Variants in SEPTIN10 observed in about 807,000 individuals in gnomAD.
SEPTIN10 encodes the protein septin 10.
A neutral mutation model predicts 54.8 loss-of-function variants in SEPTIN10; 66 were observed. The ratio of observed to expected loss-of-function variants is 1.21; its 90% CI spans 0.99 to 1.48. The LOEUF is 1.48. SEPTIN10 is among the 40% of genes most tolerant of loss of function. The pLI, the probability that SEPTIN10 is intolerant of heterozygous loss-of-function variation, is 0.00. For missense variants in SEPTIN10, 620 were observed against 545.6 expected (o/e 1.14, Z -1.36); for synonymous variants, 161 against 181.0 (o/e 0.89, Z 0.89).
intron 1 of SEPTIN10, among the ~76,000 whole-genome samples, chr2:109,602,491 A>G (rs1696816767): frequency 6.6e-6 from 1 of 151,976 alleles, no homozygotes; most frequent in African/African-American, 2.4e-5. Flanking sequence ...CCCTGACCAA[A>G]ATGGTGAAAC....
chr2:109,613,026 T>C, intron 1 of SEPTIN10: 1 of 521,338 alleles, frequency 1.9e-6, no homozygotes, highest in Non-Finnish European at 3.5e-6. Flanking sequence ...ACCACCAATG[T>C]TTACTATCAA....
chr2:109,607,668 G>GT (rs1356672469), intron 1 of SEPTIN10, among the ~76,000 whole-genome samples: 2 of 151,990 alleles, frequency 1.3e-5, no homozygotes, highest in Non-Finnish European at 2.9e-5. Context: ...TCCTGAGGGG[G>GT]TAATAATGAA....
At position 109,585,760 on chromosome 2, in the gene SEPTIN10, A is replaced by C. The variant is rs1226130137; in HGVS notation, c.178T>G (p.Ser60Ala). The C allele has an allele frequency of 6.2e-7, 1 of 1,613,850 alleles. No homozygotes were observed. The highest frequency in any genetic ancestry group is 2.2e-5 in the East Asian group (1 of 44,862). Residue 60 changes from serine (S) to alanine (A), a missense_variant, in exon 3 of 11, where the codon TCC becomes GCC. By Grantham distance (99) the Ser-to-Ala change is moderately conservative. Coordinates refer to ENST00000397712, the MANE Select transcript of SEPTIN10 (RefSeq NM_144710.5). ...TTAAAGCAGAAACCTTGCTGAATGG[A>C]TCTGTTCACCAGCTGATCAGGCAAA... ...ESLPDQLVNRSIQQGFCFNIL... is the reference protein window; with the variant it reads ...ESLPDQLVNRAIQQGFCFNIL...
chr2:109,598,944 G>A (rs1695941125), intron 1 of SEPTIN10, among the ~76,000 whole-genome samples: 4 of 151,928 alleles, frequency 2.6e-5, no homozygotes. Context: ...CAGGAGGGTG[G>A]GGTATTTGGC....
intron 4 of SEPTIN10, among the ~76,000 whole-genome samples, chr2:109,583,389 G>A (rs6751928): frequency 0.068 from 10,317 of 152,082 alleles, 572 homozygotes; most frequent in African/African-American, 0.15. Context: ...ATGACAAAAC[G>A]CTCAACATAA....
intron 8 of SEPTIN10, among the ~76,000 whole-genome samples, chr2:109,559,299 G>C (rs1351849081): frequency 6.6e-6 from 1 of 152,116 alleles, no homozygotes; most frequent in Non-Finnish European, 1.5e-5. Flanking sequence ...AACCAGAAGA[G>C]ACATTTTGCC....
intron 8 of SEPTIN10, among the ~76,000 whole-genome samples, chr2:109,563,139 A>C (rs922408265): frequency 6.6e-6 from 1 of 151,956 alleles, no homozygotes; most frequent in African/African-American, 2.4e-5. Flanking sequence ...TTGAACTCCT[A>C]ACCTCAAGTG....
intron 9 of SEPTIN10, among the ~76,000 whole-genome samples, chr2:109,548,844 TGAGAGAAGAAACCA>T (rs754614797): frequency 6.3e-5 from 9 of 142,434 alleles, no homozygotes; most frequent in Non-Finnish European, 1.4e-4. Flanking sequence ...AATCAGAGAC[TGAGAGAAGAAACCA>T]GAGAGCTAAA....
chr2:109,546,257 C>T lies in SEPTIN10; in HGVS notation c.1162-20G>A, dbSNP rs1176923788. 6.6e-7 allele frequency: 1 copy of T among 1,506,112 alleles called. No individual in the cohort carries two copies. Among genetic ancestry groups the T allele is most frequent in the African/African-American group, 1.4e-5 (1 of 70,372 alleles). 93.3% of individuals were successfully genotyped at this position (1,506,112 alleles called of 1,614,324 possible). A position where few individuals can be genotyped will look rare whatever the true frequency, so the allele number is the denominator to read the frequency against. ...CTGTAGCTGGAAACAAAAGTGCAATCCCCACTACTGACACAGCGCGGCAGC... is the reference window on the plus strand; with the variant it reads ...CTGTAGCTGGAAACAAAAGTGCAATTCCCACTACTGACACAGCGCGGCAGC... On this transcript the variant is annotated intron_variant, in intron 9 of 10. Transcript: ENST00000397712.
chr2:109,572,869 C>A (rs1688743024), intron 5 of SEPTIN10, among the ~76,000 whole-genome samples: 1 of 152,120 alleles, frequency 6.6e-6, no homozygotes. Flanking sequence ...CCTGCCTTGG[C>A]CTCCCAAAGT....
intron 4 of SEPTIN10, among the ~76,000 whole-genome samples, 156 bp downstream of exon 4, chr2:109,584,969 GA>G (rs1172471015): frequency 6.6e-6 from 1 of 152,090 alleles, no homozygotes; most frequent in Admixed American, 6.5e-5. Context: ...GTGCTAATAA[GA>G]ACAAAATATT....
At chr2:109,552,462 TG>T (rs1182790031) in intron 9 of SEPTIN10, 4 of 152,118 alleles carry the variant, frequency 2.6e-5, no homozygotes, top group African/African-American at 9.6e-5. Flanking sequence ...TACAAGCCCT[TG>T]GTAAACCATT....
intron 7 of SEPTIN10, 38 bp downstream of exon 7, chr2:109,565,721 CTAGA>C (rs762002165): frequency 2.7e-6 from 4 of 1,496,182 alleles, no homozygotes; most frequent in Admixed American, 3.3e-5. Context: ...TTTGAGATTA[CTAGA>C]TAGATACATA....
chr2:109,590,050 GTGTGTGTATATA>G (rs1334835531), intron 2 of SEPTIN10, among the ~76,000 whole-genome samples: 316 of 144,022 alleles, frequency 2.2e-3, no homozygotes, highest in Non-Finnish European at 3.7e-3. Context: ...ACATATATAT[GTGTGTGTATATA>G]TATACACACA....
chr2:109,580,534 A>G (rs1219099339), intron 4 of SEPTIN10, among the ~76,000 whole-genome samples: 1 of 152,196 alleles, frequency 6.6e-6, no homozygotes, highest in South Asian at 2.1e-4. Flanking sequence ...TCTCTTTGGG[A>G]TTAGGATGAT....
chr2:109,559,872 A>C (rs1685211505), intron 8 of SEPTIN10, among the ~76,000 whole-genome samples: 1 of 150,672 alleles, frequency 6.6e-6, no homozygotes, highest in Non-Finnish European at 1.5e-5. Context: ...CTTCCCTTCA[A>C]ATCTGCAAGT....
intron 10 of SEPTIN10, chr2:109,545,350 T>C (rs1680908998): frequency 6.7e-7 from 1 of 1,495,358 alleles, no homozygotes; most frequent in Non-Finnish European, 8.9e-7. Flanking sequence ...ATAAACTTAT[T>C]TTCTAAAACT....
At chr2:109,610,028 GAC>G (rs1048668270) in intron 1 of SEPTIN10, among the ~76,000 whole-genome samples, 1 of 151,760 alleles carries the variant, frequency 6.6e-6, no homozygotes, top group African/African-American at 2.4e-5. Flanking sequence ...GGGACAATAT[GAC>G]ACAGAGCAGA....
intron 1 of SEPTIN10, among the ~76,000 whole-genome samples, chr2:109,603,828 G>C (rs1697234053): frequency 1.3e-5 from 2 of 152,036 alleles, no homozygotes; most frequent in Admixed American, 6.6e-5. Flanking sequence ...GAGGTCAGCA[G>C]TTCGATACCA....
Sources: allele counts gnomAD v4.1 joint callset (sites outside exome capture counted in the v4.1 genomes callset), GRCh38; gene constraint gnomAD v4.1.1; transcripts MANE v1.5; gene names NCBI Gene and HGNC (gene_info 2026-07-23, HGNC 2026-07-21).